ZNF516: variants seen among roughly 807,000 people sequenced by gnomAD.
ZNF516 encodes zinc finger protein 516.
In ZNF516, 19 loss-of-function variants were observed where a neutral mutation model predicts 79.7. The observed-to-expected ratio is 0.24, with a 90% CI of 0.17 to 0.35. The LOEUF is 0.35. Among genes scored for constraint, ZNF516 ranks in the 10% least tolerant of loss-of-function variants. The pLI is 1.00. For synonymous variants in ZNF516, 877 were observed against 739.5 expected, an observed-to-expected ratio of 1.19 and a Z score of -3.02; for missense variants, 1,678 against 1,679.5, an observed-to-expected ratio of 1.00 and a Z score of 0.02.
intron 3 of ZNF516, among the ~76,000 whole-genome samples, chr18:76,434,929 A>G (rs2075710173): frequency 6.6e-6 from 1 of 152,350 alleles, no homozygotes; most frequent in Non-Finnish European, 1.5e-5. Context: ...GGTGACTAAA[A>G]GAGAATTAAA....
rs371757743 is a variant in ZNF516 at position 76,380,294 on chromosome 18, G to A, written c.1820C>T (p.Pro607Leu). The A allele has an allele frequency of 1.4e-4, 222 of 1,613,210 alleles. No individual in the cohort carries two copies. Among genetic ancestry groups the A allele is most frequent in the East Asian group, 3.1e-4 (14 of 44,856 alleles). Residue 607 changes from proline to leucine, a missense_variant, in exon 4 of 7, where the codon CCG becomes CTG. By Grantham distance (98) the Pro-to-Leu change is moderately conservative. Transcript: ENST00000443185. Reference sequence around the variant, plus strand: ...CTCTTCGGAAAAGCAGCAGCGGCGCGGCTGTCCCCCTAGAGGAGGCAAAAT... The same window carrying A: ...CTCTTCGGAAAAGCAGCAGCGGCGCAGCTGTCCCCCTAGAGGAGGCAAAAT... ...GAPEPAPGGQ[P>L]RRCCFSEEVT...
intron 3 of ZNF516, among the ~76,000 whole-genome samples, chr18:76,437,680 A>G (rs2075761538): frequency 6.6e-6 from 1 of 152,194 alleles, no homozygotes; most frequent in Non-Finnish European, 1.5e-5. Flanking sequence ...TAACCCACGC[A>G]CATCCTCCCG....
chr18:76,402,787 G>C (rs73975413), intron 3 of ZNF516, among the ~76,000 whole-genome samples: 3,404 of 152,356 alleles, frequency 0.022, 109 homozygotes, highest in African/African-American at 0.078. Context: ...CTATCAGCTT[G>C]AGCTGATGCC....
At position 76,379,421 on chromosome 18, in the gene ZNF516, C is replaced by T; in HGVS notation, c.2693G>A (p.Gly898Asp). 1 of 1,610,820 alleles carries T rather than the reference C, an allele frequency of 6.2e-7. No homozygotes were observed. Among genetic ancestry groups the T allele is most frequent in the South Asian group, 1.1e-5 (1 of 90,926 alleles). ...GGCCAGGGGCCCCTGTGTGGCCGCG[C>T]CATGTGGCTCCTGGCCGTGACAAGG... The part of the protein sequence containing the change: ...TKPCHGQEPH[G>D]AATQGPLAKP... The change falls in exon 4 of 7, where the codon GGC (glycine) becomes GAC (aspartate). Residue 898 changes from glycine to aspartate, a missense_variant. This residue lies in a region of ZNF516 where 1,294 missense variants were observed against 1,248.3 expected (regional missense o/e 1.04). Transcript: ENST00000443185.
intron 1 of ZNF516, among the ~76,000 whole-genome samples, chr18:76,468,928 C>T (rs1179831221): frequency 6.6e-6 from 1 of 152,130 alleles, no homozygotes; most frequent in African/African-American, 2.4e-5. Context: ...ATTATATGTC[C>T]TTCAACAATG....
chr18:76,367,560 G>C (rs552086289), intron 6 of ZNF516, among the ~76,000 whole-genome samples: 1 of 152,258 alleles, frequency 6.6e-6, no homozygotes, highest in South Asian at 2.1e-4. Context: ...TCCTCCAGTG[G>C]AATGTGTTCC....
intron 6 of ZNF516, among the ~76,000 whole-genome samples, chr18:76,370,024 G>A (rs690105): frequency 6.6e-6 from 1 of 152,210 alleles, no homozygotes; most frequent in Non-Finnish European, 1.5e-5. Context: ...ATGGTAAGGT[G>A]CATCACAGAC....
chr18:76,492,456 T>C, intron 1 of ZNF516: 1 of 754,578 alleles, frequency 1.3e-6, no homozygotes, highest in Non-Finnish European at 1.6e-6. Context: ...GAACTTTCAC[T>C]GGCCACGAGC....
chr18:76,421,849 C>A (rs2145380308), intron 3 of ZNF516, among the ~76,000 whole-genome samples: 1 of 152,358 alleles, frequency 6.6e-6, no homozygotes, highest in East Asian at 1.9e-4. Context: ...AAAGTTTCCA[C>A]AGATCTGAAT....
intron 3 of ZNF516, among the ~76,000 whole-genome samples, chr18:76,405,308 G>A (rs948864425): frequency 1.4e-4 from 22 of 152,050 alleles, no homozygotes; most frequent in African/African-American, 4.3e-4. Context: ...AGCTCACTGC[G>A]GGTGTCCTCG....
At chr18:76,416,607 C>T (rs2075436125) in intron 3 of ZNF516, among the ~76,000 whole-genome samples, 1 of 152,142 alleles carries the variant, frequency 6.6e-6, no homozygotes, top group African/African-American at 2.4e-5. Flanking sequence ...CCAATAGTTC[C>T]TAGTTTAGAA....
chr18:76,435,839 G>T (rs568242484), intron 3 of ZNF516, among the ~76,000 whole-genome samples: 2 of 152,140 alleles, frequency 1.3e-5, no homozygotes, highest in Non-Finnish European at 2.9e-5. Context: ...CTCGGTCTCC[G>T]TTCTTCTGAA....
Position 76,378,929 on chromosome 18 carries a change from T to G in ZNF516, c.3185A>C (p.Lys1062Thr), listed in dbSNP as rs1463851107. Residue 1062 changes from lysine to threonine, a missense_variant, in exon 4 of 7, where the codon AAG (lysine) becomes ACG (threonine). Transcript: ENST00000443185. ...CGCAAAGTCCTTTGGAATGTACGTC[T>G]TAAAGATGTTGAGGATGTCCAGGCG... ...EKRLDILNIF[K>T]TYIPKDFATL... 2.5e-6 allele frequency: 4 copies of G among 1,613,864 alleles called. No individual in the cohort carries two copies. In the East Asian group the frequency reaches 8.9e-5, roughly 36 times the overall value.
chr18:76,385,811 G>T (rs928320168), intron 3 of ZNF516: 2 of 152,042 alleles, frequency 1.3e-5, no homozygotes, highest in African/African-American at 4.8e-5. Flanking sequence ...CATGGGAGCG[G>T]TTGCCTCACT....
intron 1 of ZNF516, chr18:76,488,111 G>GA: frequency 1.0e-6 from 1 of 984,502 alleles, no homozygotes; most frequent in African/African-American, 1.8e-5. Flanking sequence ...CATACACGGG[G>GA]AGATGTATTC....
intron 1 of ZNF516, chr18:76,490,755 C>G (rs1438133038): frequency 1.0e-6 from 1 of 985,096 alleles, no homozygotes; most frequent in Non-Finnish European, 1.2e-6. Context: ...AAGTAGGATC[C>G]CCACTAAAGT....
chr18:76,414,406 T>G (rs2145325252), intron 3 of ZNF516, among the ~76,000 whole-genome samples: 1 of 152,374 alleles, frequency 6.6e-6, no homozygotes. Flanking sequence ...TAATATAATG[T>G]CTTACAATTT....
At chr18:76,406,175 CCT>C (rs1355941267) in intron 3 of ZNF516, among the ~76,000 whole-genome samples, 1 of 152,250 alleles carries the variant, frequency 6.6e-6, no homozygotes, top group African/African-American at 2.4e-5. Context: ...AGACCCCAAA[CCT>C]CTCTTTTACC....
At chr18:76,462,069 G>T (rs1407294411) in intron 2 of ZNF516, among the ~76,000 whole-genome samples, 1 of 152,202 alleles carries the variant, frequency 6.6e-6, no homozygotes, top group Non-Finnish European at 1.5e-5. Context: ...ATGACATTTT[G>T]TATATTCTTC....
Sources: allele counts gnomAD v4.1 joint callset (sites outside exome capture counted in the v4.1 genomes callset), GRCh38; gene constraint gnomAD v4.1.1; regional missense constraint gnomAD v4.1.1; transcripts MANE v1.5; gene names NCBI Gene and HGNC (gene_info 2026-07-23, HGNC 2026-07-21).